PACS2: variants seen among roughly 807,000 people sequenced by gnomAD.
PACS2 encodes PACS1-like protein.
Under a neutral mutation model 113.0 loss-of-function variants are expected in PACS2, and 36 were observed. The observed-to-expected ratio is 0.32, with a 90% CI of 0.24 to 0.42. PACS2 has a LOEUF of 0.42. Among genes scored for constraint, PACS2 ranks in the 10% least tolerant of loss-of-function variants. The pLI is 1.00. For missense variants in PACS2, 1,015 were observed against 1,239.5 expected (o/e 0.82, Z 2.72); for synonymous variants, 589 against 536.1 (o/e 1.10, Z -1.36).
Position 105,348,836 on chromosome 14 carries a change from C to A in PACS2, c.207+256C>A. Reference sequence around the variant, plus strand: ...GGGGCCTTCCCAGGGCAGAGCTGCCCTCGAGTCACCTCACAGTGATGGACG... The same window carrying A: ...GGGGCCTTCCCAGGGCAGAGCTGCCATCGAGTCACCTCACAGTGATGGACG... On this transcript the variant is annotated intron_variant, in intron 2 of 24. Coordinates refer to ENST00000447393, the MANE Select transcript of PACS2 (RefSeq NM_001100913.3). The surrounding 1 kb of genome is among the most constrained non-coding windows in gnomAD (Gnocchi z 6.4). 1 of 439,382 alleles carries A rather than the reference C, an allele frequency of 2.3e-6. No individual in the cohort carries two copies. The highest frequency in any genetic ancestry group is 4.7e-5 in the East Asian group (1 of 21,438). 27.2% of individuals were successfully genotyped at this position (439,382 alleles called of 1,614,324 possible). A position where few individuals can be genotyped will look rare whatever the true frequency, so the allele number is the denominator to read the frequency against.
rs1402578190 is a variant in PACS2 at position 105,323,089 on chromosome 14, G to A, written c.119+8052G>A. Among the ~76,000 whole-genome samples, 4 of 152,164 alleles carry A rather than the reference G, an allele frequency of 2.6e-5. No individual in the cohort carries two copies. The highest frequency in any genetic ancestry group is 2.9e-5 in the Non-Finnish European group (2 of 68,034). On this transcript the variant is annotated intron_variant, in intron 1 of 24. Coordinates refer to ENST00000447393, the MANE Select transcript of PACS2 (RefSeq NM_001100913.3). This position sits in a 1 kb window ranked among gnomAD's most constrained non-coding sequence, Gnocchi z 4.1. ...TGGGTGGCTTTGTGGTCATGTCATC[G>A]TTGCCAACGGTCGTCTCATGGTGGG...
chr14:105,353,061 A>T (rs376506917), intron 3 of PACS2, among the ~76,000 whole-genome samples: 1 of 18,826 alleles, frequency 5.3e-5, no homozygotes, highest in Non-Finnish European at 1.0e-4. Context: ...GGAGACGGGC[A>T]CCCCCATCAC....
At chr14:105,343,786 C>G (rs993313948) in intron 1 of PACS2, among the ~76,000 whole-genome samples, 5 of 151,802 alleles carry the variant, frequency 3.3e-5, no homozygotes, top group Admixed American at 6.6e-5. Flanking sequence ...ACCTTTACCT[C>G]CCTGGTTCAA....
intron 1 of PACS2, among the ~76,000 whole-genome samples, chr14:105,302,403 A>G (rs1020421967): frequency 3.3e-5 from 5 of 151,210 alleles, no homozygotes; most frequent in Non-Finnish European, 7.4e-5. Flanking sequence ...GGGTTTCTCC[A>G]TGTTGGTCAG....
chr14:105,394,538 C>A lies in PACS2; in HGVS notation c.2597-16C>A. 6.2e-7 allele frequency: 1 copy of A among 1,610,688 alleles called. No homozygotes were observed. The highest frequency in any genetic ancestry group is 8.5e-7 in the Non-Finnish European group (1 of 1,178,708). ...CCGGGCAGGGGGGCAGGCGGTCAGGCAGCCCTCTCCCACAGTCCTCATCGA... is the reference window on the plus strand; with the variant it reads ...CCGGGCAGGGGGGCAGGCGGTCAGGAAGCCCTCTCCCACAGTCCTCATCGA... On this transcript the variant is annotated splice_polypyrimidine_tract_variant and intron_variant, in intron 24 of 24. Transcript: ENST00000447393.
upstream of PACS2, among the ~76,000 whole-genome samples, chr14:105,313,929 A>C (rs953731462): frequency 6.6e-6 from 1 of 152,176 alleles, no homozygotes; most frequent in Non-Finnish European, 1.5e-5. Context: ...TTGGGTCCCC[A>C]AGTTCACTGT....
rs112251887 is a variant in PACS2, at chr14:105,375,394, C to T, written c.802-1374C>T. Among the ~76,000 whole-genome samples the T allele has an allele frequency of 1.3e-3, 189 of 148,238 alleles. 1 individual carries two copies. The highest frequency in any genetic ancestry group is 6.9e-3 in the Admixed American group (101 of 14,546). On this transcript the variant is annotated intron_variant, in intron 8 of 24. Coordinates refer to ENST00000447393, the MANE Select transcript of PACS2 (RefSeq NM_001100913.3). Reference sequence around the variant, plus strand: ...TCAGGAGGCTGAGGCCGGAGAATGGCGTGAACCCGGGAGGCGGAGCTTGCA... The same window carrying T: ...TCAGGAGGCTGAGGCCGGAGAATGGTGTGAACCCGGGAGGCGGAGCTTGCA...
rs587651327 is a variant in PACS2 at position 105,327,456 on chromosome 14, C to CA, written c.119+12420dup. Among the ~76,000 whole-genome samples the CA allele has an allele frequency of 3.0e-4, 45 of 152,334 alleles. 2 individuals carry two copies. The South Asian group carries it at 9.1e-3, about 31-fold the overall frequency. On this transcript the variant is annotated intron_variant, in intron 1 of 24. Transcript: ENST00000447393. Reference sequence around the variant, plus strand: ...TTCTCAGACCCTCGGCAAGTGGTGACAGGGGGCTGGGGTGGAGTTGTTCTC... The same window carrying CA: ...TTCTCAGACCCTCGGCAAGTGGTGACAAGGGGGCTGGGGTGGAGTTGTTCTC...
chr14:105,314,440 C>A (rs1440536591), upstream of PACS2: 3 of 149,784 alleles, frequency 2.0e-5, no homozygotes, highest in Non-Finnish European at 4.5e-5. Context: ...CTCTCCCGGC[C>A]CTTGCCCGCG....
intron 1 of PACS2, among the ~76,000 whole-genome samples, chr14:105,303,194 G>A (rs2058088840): frequency 6.6e-6 from 1 of 152,136 alleles, no homozygotes; most frequent in Non-Finnish European, 1.5e-5. Context: ...CTCCCAAAGT[G>A]TTGAGATTCT....
rs182148696 is a variant in PACS2 at position 105,394,006 on chromosome 14, C to G, written c.2597-548C>G. Reference sequence around the variant, plus strand: ...TGAGCCGAGATTGCGCCACTGCACTCCAGCCTGGGTGACAGAGCAAGACTC... The same window carrying G: ...TGAGCCGAGATTGCGCCACTGCACTGCAGCCTGGGTGACAGAGCAAGACTC... On this transcript the variant is annotated intron_variant, in intron 24 of 24. Coordinates refer to ENST00000447393, the MANE Select transcript of PACS2 (RefSeq NM_001100913.3). Among the ~76,000 whole-genome samples, 3 of 146,892 alleles carry G rather than the reference C, an allele frequency of 2.0e-5. No individual in the cohort carries two copies. The East Asian group carries it at 5.9e-4, about 29-fold the overall frequency.
In PACS2 at chr14:105,376,049, C is replaced by A. The variant is rs1440371352; in HGVS notation, c.802-719C>A. Among the ~76,000 whole-genome samples, 2 of 152,132 alleles carry A rather than the reference C, an allele frequency of 1.3e-5. No individual in the cohort carries two copies. Among genetic ancestry groups the A allele is most frequent in the Non-Finnish European group, 2.9e-5 (2 of 68,016 alleles). The stretch of plus-strand genomic sequence containing the variant: ...TGGGGCAGCAGGTCGGAGTGGGTGC[C>A]TGCAGGGGAAATACAAGATGCTTAT... On this transcript the variant is annotated intron_variant, in intron 8 of 24. Coordinates refer to ENST00000447393, the MANE Select transcript of PACS2 (RefSeq NM_001100913.3). The surrounding 1 kb of genome is among the most constrained non-coding windows in gnomAD (Gnocchi z 4.7).
chr14:105,380,595 C>T (rs2080954854), intron 11 of PACS2, among the ~76,000 whole-genome samples: 1 of 152,118 alleles, frequency 6.6e-6, no homozygotes, highest in African/African-American at 2.4e-5. Context: ...CGCCTGGACT[C>T]ACCCCACCCG....
intron 1 of PACS2, among the ~76,000 whole-genome samples, chr14:105,335,808 C>G (rs897670634): frequency 1.3e-5 from 2 of 152,218 alleles, no homozygotes; most frequent in Admixed American, 6.5e-5. Context: ...GTGAGGCTGG[C>G]AAGAGCTGGC....
chr14:105,362,305 C>A (rs1396375421), intron 4 of PACS2, among the ~76,000 whole-genome samples: 5 of 151,092 alleles, frequency 3.3e-5, no homozygotes, highest in African/African-American at 4.9e-5. Flanking sequence ...GTAGTCCCAG[C>A]TACTCGGGAG....
In PACS2 at chr14:105,382,898, C is replaced by T. The variant is rs2081042912; in HGVS notation, c.1610C>T (p.Ser537Leu). 6.2e-7 allele frequency: 1 copy of T among 1,600,284 alleles called. No individual in the cohort carries two copies. The highest frequency in any genetic ancestry group is 8.5e-7 in the Non-Finnish European group (1 of 1,173,610). ...CAGGCGGCCTTCAGCACCATCGTCTCACGGATACAGAGATAGTGAGTTGGG... is the reference window on the plus strand; with the variant it reads ...CAGGCGGCCTTCAGCACCATCGTCTTACGGATACAGAGATAGTGAGTTGGG... ...DVQAAFSTIVSRIQRYCNCNS... is the reference protein window; with the variant it reads ...DVQAAFSTIVLRIQRYCNCNS... The change falls in exon 15 of 25, where the codon TCA (serine) becomes TTA (leucine). Residue 537 changes from serine to leucine, a missense_variant. By Grantham distance (145) the Ser-to-Leu change is moderately radical. Transcript: ENST00000447393.
intron 1 of PACS2, among the ~76,000 whole-genome samples, chr14:105,347,464 G>A (rs2059984705): frequency 6.6e-6 from 1 of 152,186 alleles, no homozygotes; most frequent in South Asian, 2.1e-4. Flanking sequence ...ACTGTGTCTG[G>A]CGCCTGTTCT....
At chr14:105,380,667 T>A (rs978350180) in intron 11 of PACS2, among the ~76,000 whole-genome samples, 6 of 152,066 alleles carry the variant, frequency 3.9e-5, no homozygotes, top group Admixed American at 2.6e-4. Context: ...AACGCCTGGT[T>A]CCCCCCTGCT....
rs2060478619 is a variant in PACS2, at chr14:105,357,013, A to G, written c.423+1836A>G. On this transcript the variant is annotated intron_variant, in intron 4 of 24. Transcript: ENST00000447393. The surrounding 1 kb of genome is among the most constrained non-coding windows in gnomAD (Gnocchi z 5.1). ...TGCTGATCCCTGCTGGTCCCTGTGT[A>G]GCCATGCAGGTGATGTCCTGCTGAT... Among the ~76,000 whole-genome samples the G allele has an allele frequency of 1.3e-5, 2 of 151,218 alleles. No homozygotes were observed. The highest frequency in any genetic ancestry group is 4.2e-4 in the South Asian group (2 of 4,812).
Sources: allele counts gnomAD v4.1 joint callset (sites outside exome capture counted in the v4.1 genomes callset), GRCh38; gene constraint gnomAD v4.1.1; non-coding constraint Gnocchi (gnomAD v3.1); transcripts MANE v1.5; gene names NCBI Gene and HGNC (gene_info 2026-07-23, HGNC 2026-07-21).